VAPB: variants seen among roughly 807,000 people sequenced by gnomAD.
VAPB encodes VAMP associated protein B and C.
Under a neutral mutation model 25.6 loss-of-function variants are expected in VAPB, and 7 were observed. The observed-to-expected ratio is 0.27, with a 90% confidence interval of 0.16 to 0.51. VAPB has a LOEUF of 0.51. VAPB is among the 20% of genes least tolerant of loss of function. The pLI, the probability that VAPB is intolerant of heterozygous loss-of-function variation, is 0.97. For synonymous variants in VAPB, 112 were observed against 109.2 expected, an observed-to-expected ratio of 1.03 and a Z score of -0.16; for missense variants, 266 against 301.3, an observed-to-expected ratio of 0.88 and a Z score of 0.87.
In VAPB at chr20:58,450,524, A is replaced by G. The variant is rs1989421733; in HGVS notation, c.*6289A>G. On this transcript the variant is annotated 3_prime_UTR_variant, in exon 6 of 6. Coordinates refer to ENST00000475243, the MANE Select transcript of VAPB (RefSeq NM_004738.5). Reference sequence around the variant, plus strand: ...GTCGTTTCCTTTTTAAAGACGATTTATCAACTGCTGCCATTTGGAACTTCC... The same window carrying G: ...GTCGTTTCCTTTTTAAAGACGATTTGTCAACTGCTGCCATTTGGAACTTCC... 2.2e-6 allele frequency: 1 copy of G among 453,892 alleles called. No individual in the cohort carries two copies. The highest frequency in any genetic ancestry group is 4.4e-6 in the Non-Finnish European group (1 of 226,766). 28.1% of individuals were successfully genotyped at this position (453,892 alleles called of 1,614,324 possible).
intron 2 of VAPB, among the ~76,000 whole-genome samples, chr20:58,430,411 A>T (rs6015271): frequency 6.6e-6 from 1 of 151,154 alleles, no homozygotes; most frequent in Non-Finnish European, 1.5e-5. Flanking sequence ...ACAGGTGCCC[A>T]CCACCGTGCC....
intron 5 of VAPB, among the ~76,000 whole-genome samples, chr20:58,443,409 T>G (rs954384246): frequency 1.0e-4 from 15 of 149,744 alleles, no homozygotes; most frequent in African/African-American, 3.7e-4. Context: ...TTTTTTTTTT[T>G]TTTTTTTTTT....
chr20:58,416,569 C>T (rs868706351), intron 1 of VAPB, among the ~76,000 whole-genome samples: 1 of 151,862 alleles, frequency 6.6e-6, no homozygotes, highest in African/African-American at 2.4e-5. Flanking sequence ...GAAACAAATA[C>T]GAAAATTGTT....
intron 2 of VAPB, among the ~76,000 whole-genome samples, chr20:58,429,665 G>A (rs1988884059): frequency 6.6e-6 from 1 of 152,230 alleles, no homozygotes; most frequent in Non-Finnish European, 1.5e-5. Context: ...GCATGCATAT[G>A]TGCCTCTATT....
rs776957066 is a variant in VAPB, at chr20:58,444,251, G to A, written c.*16G>A. The A allele has an allele frequency of 6.2e-7, 1 of 1,614,152 alleles. No individual in the cohort carries two copies. Among genetic ancestry groups the A allele is most frequent in the East Asian group, 2.2e-5 (1 of 44,878 alleles). Reference sequence around the variant, plus strand: ...TGCCTTGTAGAGGTAGCATGCACAGGATGGTAAATTGGATTGGTGGATCCA... The same window carrying A: ...TGCCTTGTAGAGGTAGCATGCACAGAATGGTAAATTGGATTGGTGGATCCA... On this transcript the variant is annotated 3_prime_UTR_variant, in exon 6 of 6. Coordinates refer to ENST00000475243, the MANE Select transcript of VAPB (RefSeq NM_004738.5).
chr20:58,415,899 T>A (rs1454938719), intron 1 of VAPB, among the ~76,000 whole-genome samples: 1 of 152,238 alleles, frequency 6.6e-6, no homozygotes, highest in East Asian at 1.9e-4. Context: ...ATTACTCAAA[T>A]AGAATATAAT....
chr20:58,427,058 T>C (rs1988805369), intron 2 of VAPB, among the ~76,000 whole-genome samples: 1 of 151,764 alleles, frequency 6.6e-6, no homozygotes, highest in African/African-American at 2.4e-5. Context: ...ACCATTATGA[T>C]GCAGACGAAA....
At chr20:58,400,648 A>G (rs1204612788) in intron 1 of VAPB, among the ~76,000 whole-genome samples, 1 of 152,238 alleles carries the variant, frequency 6.6e-6, no homozygotes, top group Non-Finnish European at 1.5e-5. Flanking sequence ...TACATAGACT[A>G]CATTCTCTTC....
At chr20:58,427,705 T>C (rs1016543805) in intron 2 of VAPB, among the ~76,000 whole-genome samples, 1 of 152,078 alleles carries the variant, frequency 6.6e-6, no homozygotes, top group Non-Finnish European at 1.5e-5. Context: ...CAGATGAAAG[T>C]GATCTGTTAC....
At position 58,435,515 on chromosome 20, in the gene VAPB, A is replaced by G. The variant is rs188853040; in HGVS notation, c.315+810A>G. ...TTGGCCCGCCCAAAGGGGAGCCCCG[A>G]GTCATCCACGGCAGGTCTGCCCACC... On this transcript the variant is annotated intron_variant, in intron 3 of 5. Coordinates refer to ENST00000475243, the MANE Select transcript of VAPB (RefSeq NM_004738.5). 1.6e-4 allele frequency among the ~76,000 whole-genome samples: 25 copies of G among 152,292 alleles called. No homozygotes were observed. In the East Asian group the frequency reaches 4.6e-3, roughly 28 times the overall value.
Position 58,436,992 on chromosome 20 carries a change from C to CTTTTTTTT in VAPB, c.316-1935_316-1928dup, listed in dbSNP as rs34944837. 3.3e-3 allele frequency among the ~76,000 whole-genome samples: 259 copies of CTTTTTTTT among 77,430 alleles called. 9 individuals carry two copies. Among genetic ancestry groups the CTTTTTTTT allele is most frequent in the African/African-American group, 6.2e-3 (114 of 18,526 alleles). 50.8% of individuals were successfully genotyped at this position (77,430 alleles called of 152,430 possible). On this transcript the variant is annotated intron_variant, in intron 3 of 5. Coordinates refer to ENST00000475243, the MANE Select transcript of VAPB (RefSeq NM_004738.5). ...ACCTTTTTGTTTTTCAAACTTTGAA[C>CTTTTTTTT]TTTTTTTTTTTTTTTTTTTTTTTTT... is the stretch of plus-strand genomic sequence containing the variant.
intron 2 of VAPB, among the ~76,000 whole-genome samples, chr20:58,428,616 A>G (rs553807243): frequency 6.6e-6 from 1 of 152,188 alleles, no homozygotes; most frequent in South Asian, 2.1e-4. Context: ...GCAAGACCCC[A>G]TCTCTTGAAA....
chr20:58,395,810 G>A, intron 1 of VAPB, among the ~76,000 whole-genome samples: 1 of 152,156 alleles, frequency 6.6e-6, no homozygotes, highest in East Asian at 1.9e-4. Flanking sequence ...GTTCTTACCT[G>A]ACAGATGTGG....
chr20:58,409,056 G>A (rs1988308524), intron 1 of VAPB, among the ~76,000 whole-genome samples: 2 of 152,164 alleles, frequency 1.3e-5, no homozygotes. Flanking sequence ...GGTGCATAGA[G>A]GAAGAATACA....
In VAPB at chr20:58,445,865, A is replaced by G. The variant is rs1442328951; in HGVS notation, c.*1630A>G. The G allele has an allele frequency of 2.2e-6, 1 of 453,822 alleles. No homozygotes were observed. Among genetic ancestry groups the G allele is most frequent in the Non-Finnish European group, 4.4e-6 (1 of 226,768 alleles). 28.1% of individuals were successfully genotyped at this position (453,822 alleles called of 1,614,324 possible). ...TCTAGGTCAGGGAACCATGCCATTG[A>G]GACTAGTAACGGGCGTTCTGGGCAC... On this transcript the variant is annotated 3_prime_UTR_variant, in exon 6 of 6. Transcript: ENST00000475243.
At chr20:58,441,142 G>T in intron 5 of VAPB, 59 bp downstream of exon 5, 1 of 1,580,590 alleles carries the variant, frequency 6.3e-7, no homozygotes, top group African/African-American at 1.4e-5. Flanking sequence ...TAGCTTCTTG[G>T]GTGGGGAAGT....
At chr20:58,422,988 A>G (rs1469566665) in intron 2 of VAPB, among the ~76,000 whole-genome samples, 2 of 152,306 alleles carry the variant, frequency 1.3e-5, no homozygotes, top group Admixed American at 6.5e-5. Context: ...GACAAACACA[A>G]AACTCCCAGT....
At chr20:58,391,838 C>G (rs1232167369) in intron 1 of VAPB, among the ~76,000 whole-genome samples, 2 of 152,162 alleles carry the variant, frequency 1.3e-5, no homozygotes, top group African/African-American at 4.8e-5. Context: ...ACTAGTGGTT[C>G]TGAATGACAG....
chr20:58,405,741 C>T (rs1206936817), intron 1 of VAPB, among the ~76,000 whole-genome samples: 1 of 56,728 alleles, frequency 1.8e-5, no homozygotes, highest in East Asian at 7.3e-4. Context: ...TGGCCAGGAG[C>T]CTTTTTTTTT....
Sources: gnomAD v4.1 joint callset for allele counts (sites outside exome capture counted in the v4.1 genomes callset) on GRCh38, gnomAD v4.1.1 for gene constraint, MANE v1.5 for transcripts, NCBI Gene and HGNC (gene_info 2026-07-23, HGNC 2026-07-21) for gene names.